The following KCNIP1 variants were observed in gnomAD, a reference collection of about 807,000 sequenced individuals.
KCNIP1 encodes the protein potassium voltage-gated channel interacting protein 1.
In KCNIP1, 18 loss-of-function variants were observed where a neutral mutation model predicts 33.0. The ratio of observed to expected loss-of-function variants is 0.55; its 90% confidence interval spans 0.38 to 0.81. The LOEUF is 0.81. KCNIP1 is among the 30% of genes least tolerant of loss of function. The probability of loss-of-function intolerance (pLI) is 0.00; values close to 1 mark genes in which losing one functional copy is unlikely to be tolerated. For synonymous variants in KCNIP1, 93 were observed against 98.3 expected (o/e 0.95, Z 0.32); for missense variants, 238 against 271.6 (o/e 0.88, Z 0.87).
chr5:170,524,125 A>T (rs1484477778), intron 1 of KCNIP1, among the ~76,000 whole-genome samples: 1 of 152,084 alleles, frequency 6.6e-6, no homozygotes, highest in Non-Finnish European at 1.5e-5. Flanking sequence ...CTGCCTCCAG[A>T]TCCAATGTCT....
At chr5:170,709,805 A>T (rs1177324855) in intron 1 of KCNIP1, among the ~76,000 whole-genome samples, 1 of 152,024 alleles carries the variant, frequency 6.6e-6, no homozygotes, top group Non-Finnish European at 1.5e-5. Flanking sequence ...CCAATTATAC[A>T]TATGTTCAAA....
chr5:170,382,407 TTAA>T (rs1764278593), intron 1 of KCNIP1, among the ~76,000 whole-genome samples: 1 of 152,186 alleles, frequency 6.6e-6, no homozygotes, highest in Non-Finnish European at 1.5e-5. Flanking sequence ...CACTCACATT[TTAA>T]TTCCATATTG....
intron 1 of KCNIP1, among the ~76,000 whole-genome samples, chr5:170,459,122 C>T (rs1173281182): frequency 7.9e-5 from 12 of 152,028 alleles, no homozygotes; most frequent in Non-Finnish European, 4.4e-5. Flanking sequence ...GATAAAAGGC[C>T]TTGACCAACA....
chr5:170,663,008 C>T (rs1761558204), intron 1 of KCNIP1, among the ~76,000 whole-genome samples: 1 of 152,162 alleles, frequency 6.6e-6, no homozygotes, highest in South Asian at 2.1e-4. Flanking sequence ...TAAAAGCCAC[C>T]CTGAGGACAC....
chr5:170,464,969 C>A (rs985797619), intron 1 of KCNIP1, among the ~76,000 whole-genome samples: 7 of 152,170 alleles, frequency 4.6e-5, no homozygotes, highest in African/African-American at 1.4e-4. Flanking sequence ...CTCCAGAGCT[C>A]CCATATGATC....
In KCNIP1 at chr5:170,712,505, C is replaced by G. The variant is rs896971303; in HGVS notation, c.62-6253C>G. Among the ~76,000 whole-genome samples, 6 of 152,354 alleles carry G rather than the reference C, an allele frequency of 3.9e-5. No individual in the cohort carries two copies. The East Asian group carries it at 9.7e-4, about 25-fold the overall frequency. On this transcript the variant is annotated intron_variant, in intron 1 of 7. Coordinates refer to ENST00000328939, the MANE Select transcript of KCNIP1 (RefSeq NM_014592.4). ...CTGATTGTGGAGGGTATCTTATAAG[C>G]CTCTCCTCAGTCAAACATGCGAGTG...
At chr5:170,634,615 G>A (rs1561731832) in intron 1 of KCNIP1, among the ~76,000 whole-genome samples, 1 of 152,210 alleles carries the variant, frequency 6.6e-6, no homozygotes, top group Non-Finnish European at 1.5e-5. Flanking sequence ...GTGTGTGTGT[G>A]TAAAGAGGGA....
chr5:170,535,697 T>C (rs1462112223), intron 1 of KCNIP1, among the ~76,000 whole-genome samples: 3 of 152,230 alleles, frequency 2.0e-5, no homozygotes, highest in Non-Finnish European at 4.4e-5. Context: ...GGTCTTTCCC[T>C]AAGCAAACAC....
At chr5:170,366,110 G>A (rs1178370546) in intron 1 of KCNIP1, among the ~76,000 whole-genome samples, 1 of 152,212 alleles carries the variant, frequency 6.6e-6, no homozygotes, top group African/African-American at 2.4e-5. Context: ...GCGAGTATCA[G>A]TGACAAAGAG....
At chr5:170,662,776 CCTTT>C (rs1238054753) in intron 1 of KCNIP1, among the ~76,000 whole-genome samples, 1 of 152,234 alleles carries the variant, frequency 6.6e-6, no homozygotes, top group East Asian at 1.9e-4. Flanking sequence ...TGTCTATCCT[CCTTT>C]CCCTCTGGCC....
At chr5:170,672,248 G>A (rs76525265) in intron 1 of KCNIP1, among the ~76,000 whole-genome samples, 3,057 of 152,302 alleles carry the variant, frequency 0.02, 100 homozygotes, top group African/African-American at 0.069. Flanking sequence ...GGAGACAGGG[G>A]CCAGATCACA....
chr5:170,586,723 G>A (rs1438375481), intron 1 of KCNIP1, among the ~76,000 whole-genome samples: 2 of 152,200 alleles, frequency 1.3e-5, no homozygotes, highest in African/African-American at 2.4e-5. Flanking sequence ...TATTGCTGTT[G>A]CTACTCTTGT....
chr5:170,643,777 C>A (rs1760674460), intron 1 of KCNIP1, among the ~76,000 whole-genome samples: 1 of 152,210 alleles, frequency 6.6e-6, no homozygotes, highest in Admixed American at 6.5e-5. Context: ...CTGCAGGCAG[C>A]CATCAGGGCT....
chr5:170,575,445 A>G (rs1213324256), intron 1 of KCNIP1, among the ~76,000 whole-genome samples: 2 of 152,242 alleles, frequency 1.3e-5, no homozygotes, highest in East Asian at 1.9e-4. Context: ...CACCTGGCAG[A>G]AAATTCAATC....
chr5:170,544,152 C>T (rs186558704), intron 1 of KCNIP1, among the ~76,000 whole-genome samples: 74 of 152,248 alleles, frequency 4.9e-4, no homozygotes, highest in Non-Finnish European at 8.8e-4. Context: ...GTGGCTCACA[C>T]CTGTAATACC....
intron 1 of KCNIP1, among the ~76,000 whole-genome samples, chr5:170,453,731 C>T (rs1756309436): frequency 6.6e-6 from 1 of 152,216 alleles, no homozygotes; most frequent in Non-Finnish European, 1.5e-5. Context: ...GCTAGAGATT[C>T]TCCTTGCTGA....
intron 4 of KCNIP1, among the ~76,000 whole-genome samples, chr5:170,722,426 C>A (rs1049393835): frequency 7.2e-5 from 11 of 152,030 alleles, no homozygotes; most frequent in African/African-American, 2.7e-4. Flanking sequence ...ATAGACAGAC[C>A]ACTGCAGCCA....
At chr5:170,412,197 T>C (rs1014778527) in intron 1 of KCNIP1, among the ~76,000 whole-genome samples, 2 of 151,618 alleles carry the variant, frequency 1.3e-5, no homozygotes, top group Non-Finnish European at 2.9e-5. Context: ...TTAGTTGACT[T>C]GTGGCCCCAC....
intron 1 of KCNIP1, among the ~76,000 whole-genome samples, chr5:170,412,654 G>A (rs1294732103): frequency 6.6e-6 from 1 of 152,148 alleles, no homozygotes; most frequent in Non-Finnish European, 1.5e-5. Context: ...GCTGTCTTGG[G>A]TGGAGAAAAC....
Sources: gnomAD v4.1 joint callset for allele counts (sites outside exome capture counted in the v4.1 genomes callset) on GRCh38, gnomAD v4.1.1 for gene constraint, MANE v1.5 for transcripts, NCBI Gene and HGNC (gene_info 2026-07-23, HGNC 2026-07-21) for gene names.